SREBF2: variants seen among roughly 807,000 people sequenced by gnomAD.
SREBF2 encodes sterol regulatory element-binding protein 2.
A neutral mutation model predicts 113.1 loss-of-function variants in SREBF2; 55 were observed. The observed-to-expected ratio is 0.49, with a 90% CI of 0.39 to 0.61. The LOEUF is 0.61. Ranked by LOEUF, SREBF2 falls within the 20% of genes least tolerant of loss-of-function variation. The probability of loss-of-function intolerance (pLI) is 0.00; values close to 1 mark genes in which losing one functional copy is unlikely to be tolerated. For missense variants in SREBF2, 1,349 were observed against 1,487.4 expected (o/e 0.91, Z 1.53); for synonymous variants, 593 against 605.7 (o/e 0.98, Z 0.31).
intron 1 of SREBF2, among the ~76,000 whole-genome samples, chr22:41,857,111 G>A (rs1232865882): frequency 6.6e-6 from 1 of 151,930 alleles, no homozygotes; most frequent in Admixed American, 6.6e-5. Context: ...AAGGCTGTTG[G>A]ATGAACAAGA....
At chr22:41,896,440 A>G (rs565219771) in intron 13 of SREBF2, among the ~76,000 whole-genome samples, 2 of 151,944 alleles carry the variant, frequency 1.3e-5, no homozygotes, top group Admixed American at 1.3e-4. Context: ...GCTCACTGCA[A>G]CCTCTGCCTC....
intron 12 of SREBF2, 117 bp downstream of exon 12, chr22:41,893,402 G>T (rs893016580): frequency 1.2e-6 from 1 of 831,052 alleles, no homozygotes. Context: ...TGTTGAGTCC[G>T]TTTGTTTGTT....
intron 1 of SREBF2, among the ~76,000 whole-genome samples, chr22:41,863,527 T>A (rs988263066): frequency 1.3e-5 from 2 of 152,236 alleles, no homozygotes; most frequent in African/African-American, 4.8e-5. Flanking sequence ...GTACTTGGAG[T>A]GTGTCAGCAC....
At chr22:41,835,388 G>A (rs1007604905) in intron 1 of SREBF2, among the ~76,000 whole-genome samples, 14 of 146,448 alleles carry the variant, frequency 9.6e-5, no homozygotes, top group Middle Eastern at 3.4e-3. Flanking sequence ...TCGGCTCACC[G>A]CAACCTCCAC....
chr22:41,854,189 G>A (rs1267004033), intron 1 of SREBF2, among the ~76,000 whole-genome samples: 10 of 151,584 alleles, frequency 6.6e-5, no homozygotes, highest in Non-Finnish European at 1.2e-4. Flanking sequence ...TTGAGATGGC[G>A]TTTCACTCTT....
chr22:41,905,708 T>G lies in SREBF2; in HGVS notation c.*48T>G. 6.6e-7 allele frequency: 1 copy of G among 1,508,900 alleles called. No individual in the cohort carries two copies. Among genetic ancestry groups the G allele is most frequent in the Non-Finnish European group, 9.0e-7 (1 of 1,109,266 alleles). The allele number at this position is 1,508,900 out of a possible 1,614,324, so 93.5% of individuals were successfully genotyped here. ...CCACCTCTCTCTCGATTTCTCTCTC[T>G]CCCCCTCAGCATCTTCCCGCTGAGA... is the stretch of plus-strand genomic sequence containing the variant. On this transcript the variant is annotated 3_prime_UTR_variant, in exon 19 of 19. Coordinates refer to ENST00000361204, the MANE Select transcript of SREBF2 (RefSeq NM_004599.4).
At chr22:41,871,756 G>A (rs1250694519) in intron 4 of SREBF2, among the ~76,000 whole-genome samples, 2 of 151,958 alleles carry the variant, frequency 1.3e-5, no homozygotes, top group Non-Finnish European at 2.9e-5. Context: ...GCTGGGTATG[G>A]TGGTGCATGG....
At chr22:41,881,841 G>A (rs1255582135) in intron 10 of SREBF2, among the ~76,000 whole-genome samples, 60 of 152,168 alleles carry the variant, frequency 3.9e-4, no homozygotes, top group Non-Finnish European at 2.9e-5. Flanking sequence ...GGAGACTGAG[G>A]CAGGAGGATC....
intron 10 of SREBF2, among the ~76,000 whole-genome samples, chr22:41,883,667 T>C (rs972542456): frequency 6.6e-6 from 1 of 152,186 alleles, no homozygotes; most frequent in Admixed American, 6.5e-5. Flanking sequence ...CTCACCTCCC[T>C]TCCTGTGTCT....
intron 11 of SREBF2, chr22:41,885,450 A>G: frequency 4.6e-6 from 1 of 217,226 alleles, no homozygotes; most frequent in Middle Eastern, 2.0e-3. Flanking sequence ...GTGAATCCAG[A>G]AATAAAAGCC....
At chr22:41,848,613 A>G (rs529281223) in intron 1 of SREBF2, among the ~76,000 whole-genome samples, 1 of 152,134 alleles carries the variant, frequency 6.6e-6, no homozygotes, top group Non-Finnish European at 1.5e-5. Context: ...CCCCAGCGAG[A>G]AACTCCTAGG....
chr22:41,876,678 A>G (rs2077200495), intron 7 of SREBF2, among the ~76,000 whole-genome samples: 1 of 152,178 alleles, frequency 6.6e-6, no homozygotes, highest in Admixed American at 6.6e-5. Context: ...TCTTTGATCA[A>G]CTTCATTGAG....
rs962108610 is a variant in SREBF2 at position 41,875,527 on chromosome 22, G to A, written c.1205-16G>A. On this transcript the variant is annotated splice_polypyrimidine_tract_variant and intron_variant, in intron 6 of 18. Transcript: ENST00000361204. ...TAAAAGCAGATCATTTTCACCAGGT[G>A]GGGTTTTCTTTGCAGAGCTTCTAAA... is the stretch of plus-strand genomic sequence containing the variant. 4 of 1,614,222 alleles carry A rather than the reference G, an allele frequency of 2.5e-6. No individual in the cohort carries two copies. Among genetic ancestry groups the A allele is most frequent in the East Asian group, 4.5e-5 (2 of 44,880 alleles).
intron 10 of SREBF2, among the ~76,000 whole-genome samples, chr22:41,881,406 G>C (rs930706118): frequency 6.6e-6 from 1 of 152,246 alleles, no homozygotes; most frequent in East Asian, 1.9e-4. Context: ...TGACAGTTCA[G>C]CGTGAGTATG....
At chr22:41,879,152 C>T (rs1231310243) in intron 9 of SREBF2, among the ~76,000 whole-genome samples, 4 of 152,126 alleles carry the variant, frequency 2.6e-5, no homozygotes, top group South Asian at 2.1e-4. Flanking sequence ...TGAGCCACCA[C>T]GCCTGGCTGA....
chr22:41,889,934 G>A (rs926122875), intron 11 of SREBF2, among the ~76,000 whole-genome samples: 1 of 152,076 alleles, frequency 6.6e-6, no homozygotes, highest in Non-Finnish European at 1.5e-5. Context: ...GGAGTCAGAG[G>A]TTGCCGTGAG....
At chr22:41,872,707 A>G (rs890322221) in intron 4 of SREBF2, among the ~76,000 whole-genome samples, 2 of 151,992 alleles carry the variant, frequency 1.3e-5, no homozygotes, top group East Asian at 3.9e-4. Context: ...CCTGGCCAAC[A>G]TGATGAAATC....
intron 17 of SREBF2, 30 bp from the exon 18 acceptor site, chr22:41,904,833 G>A (rs375483228): frequency 7.2e-5 from 111 of 1,534,116 alleles, no homozygotes; most frequent in Non-Finnish European, 9.7e-5. Flanking sequence ...GACCAGGGGT[G>A]TGATGGATGT....
chr22:41,857,013 G>A (rs1235033876), intron 1 of SREBF2, among the ~76,000 whole-genome samples: 1 of 149,846 alleles, frequency 6.7e-6, no homozygotes, highest in Non-Finnish European at 1.5e-5. Context: ...GTTGCAGTGA[G>A]CTGAGATCAT....
Sources: gnomAD v4.1 joint callset for allele counts (sites outside exome capture counted in the v4.1 genomes callset) on GRCh38, gnomAD v4.1.1 for gene constraint, MANE v1.5 for transcripts, NCBI Gene and HGNC (gene_info 2026-07-23, HGNC 2026-07-21) for gene names.